MYO3B: variants seen among roughly 807,000 people sequenced by gnomAD.
MYO3B encodes myosin IIIB.
In MYO3B, 156 loss-of-function variants were observed where a neutral mutation model predicts 174.6. That is an observed-to-expected ratio of 0.89 (90% CI 0.78 to 1.02). The LOEUF is 1.02. Ranked by LOEUF, MYO3B falls within the 50% of genes least tolerant of loss-of-function variation. The pLI is 0.00. For missense variants in MYO3B, 1,632 were observed against 1,639.4 expected (o/e 1.00, Z 0.08); for synonymous variants, 563 against 569.1 (o/e 0.99, Z 0.15).
At chr2:170,580,718 A>ATATATATATGTGTGTGTGTG (rs768974458) in intron 32 of MYO3B, among the ~76,000 whole-genome samples, 5 of 142,702 alleles carry the variant, frequency 3.5e-5, no homozygotes, top group African/African-American at 2.6e-5. Context: ...AACCTTATAT[A>ATATATATATGTGTGTGTGTG]TGTGTGTGTG....
intron 32 of MYO3B, among the ~76,000 whole-genome samples, chr2:170,614,263 G>C (rs1251834128): frequency 6.6e-6 from 1 of 152,154 alleles, no homozygotes; most frequent in Non-Finnish European, 1.5e-5. Context: ...TTGTAAGGTT[G>C]CTAGAGTATT....
At chr2:170,207,840 G>A (rs934939083) in intron 3 of MYO3B, among the ~76,000 whole-genome samples, 2 of 152,106 alleles carry the variant, frequency 1.3e-5, no homozygotes, top group Non-Finnish European at 2.9e-5. Flanking sequence ...GGGTACATGA[G>A]GGAGAGAAAG....
chr2:170,471,753 A>T (rs1227249315), intron 25 of MYO3B, among the ~76,000 whole-genome samples: 4 of 152,098 alleles, frequency 2.6e-5, no homozygotes, highest in Non-Finnish European at 5.9e-5. Context: ...GCACTTTGGG[A>T]GGCTGAGGCG....
intron 7 of MYO3B, among the ~76,000 whole-genome samples, chr2:170,309,939 C>G (rs954894860): frequency 4.6e-5 from 7 of 152,288 alleles, no homozygotes; most frequent in African/African-American, 1.7e-4. Context: ...CTCCCAGACC[C>G]TGGTAACTAT....
chr2:170,308,406 A>G (rs1041083768), intron 7 of MYO3B, among the ~76,000 whole-genome samples: 1 of 152,166 alleles, frequency 6.6e-6, no homozygotes, highest in African/African-American at 2.4e-5. Context: ...CTCTACAGAA[A>G]GGCACCTCCC....
In MYO3B at chr2:170,498,672, G is replaced by C; in HGVS notation, c.3095G>C (p.Arg1032Thr). 1 of 1,613,814 alleles carries C rather than the reference G, an allele frequency of 6.2e-7. No homozygotes were observed. The highest frequency in any genetic ancestry group is 8.5e-7 in the Non-Finnish European group (1 of 1,179,728). The change falls in exon 26 of 35, where the codon AGA (arginine) becomes ACA (threonine). Residue 1032 changes from arginine (R) to threonine (T), a missense_variant. By Grantham distance (71) the Arg-to-Thr change is moderately conservative (BLOSUM62 -1). Coordinates refer to ENST00000408978, the MANE Select transcript of MYO3B (RefSeq NM_138995.5). ...ESCVAILEKS[R>T]LDHWVLGKTK... ...TGTGTGGCTATCTTGGAAAAGTCCA[G>C]ATTAGATCACTGGGTACTGGGAAAA...
chr2:170,232,672 C>T (rs1458024938), intron 6 of MYO3B, among the ~76,000 whole-genome samples: 7 of 152,200 alleles, frequency 4.6e-5, no homozygotes, highest in Non-Finnish European at 1.0e-4. Flanking sequence ...CCATGCTATC[C>T]TCAGTTTCCA....
chr2:170,185,771 A>G (rs2092454479), intron 1 of MYO3B, among the ~76,000 whole-genome samples: 1 of 152,192 alleles, frequency 6.6e-6, no homozygotes, highest in Non-Finnish European at 1.5e-5. Flanking sequence ...CTTTCAAACT[A>G]TGAACATAGA....
Position 170,402,913 on chromosome 2 carries a change from A to G in MYO3B, c.2195A>G (p.Asn732Ser). The G allele has an allele frequency of 6.2e-7, 1 of 1,612,118 alleles. No individual in the cohort carries two copies. Among genetic ancestry groups the G allele is most frequent in the Non-Finnish European group, 8.5e-7 (1 of 1,178,484 alleles). Residue 732 changes from asparagine to serine, a missense_variant, in exon 19 of 35, where the codon AAT becomes AGT. Asn to Ser is a conservative substitution (Grantham distance 46). Coordinates refer to ENST00000408978, the MANE Select transcript of MYO3B (RefSeq NM_138995.5). ...TTTGGATTCGAGAATTTTCAGAGAA[A>G]TTCATTTGAGCAGCTCTGCATAAAC... ...DIFGFENFQRNSFEQLCINIA... is the reference protein window; with the variant it reads ...DIFGFENFQRSSFEQLCINIA...
At position 170,290,966 on chromosome 2, in the gene MYO3B, G is replaced by T. The variant is rs116968638; in HGVS notation, c.750-44419G>T. The stretch of plus-strand genomic sequence containing the variant: ...AATAAAATAATAGAAACAAACAAAG[G>T]TGGCCAGGTATAGTGGCTCATGCCT... On this transcript the variant is annotated intron_variant, in intron 7 of 34. Transcript: ENST00000408978. 5.4e-3 allele frequency among the ~76,000 whole-genome samples: 820 copies of T among 152,126 alleles called. 22 individuals are homozygous for T. The highest frequency in any genetic ancestry group is 0.05 in the East Asian group (260 of 5,180).
At chr2:170,593,588 G>A (rs146121242) in intron 32 of MYO3B, among the ~76,000 whole-genome samples, 1 of 152,202 alleles carries the variant, frequency 6.6e-6, no homozygotes, top group African/African-American at 2.4e-5. Flanking sequence ...GCTCTCTCCT[G>A]CCTCTTAGCA....
chr2:170,331,638 TA>T (rs1237896534), intron 7 of MYO3B, among the ~76,000 whole-genome samples: 1 of 152,198 alleles, frequency 6.6e-6, no homozygotes, highest in Non-Finnish European at 1.5e-5. Flanking sequence ...CTCAGTGGGC[TA>T]AAATCAAGGT....
intron 32 of MYO3B, among the ~76,000 whole-genome samples, chr2:170,639,695 G>T (rs1381618670): frequency 6.6e-6 from 1 of 152,090 alleles, no homozygotes; most frequent in African/African-American, 2.4e-5. Context: ...CAGAGTTTTT[G>T]CCCTACATTT....
chr2:170,399,853 C>T (rs2094463821), intron 16 of MYO3B, among the ~76,000 whole-genome samples: 1 of 152,138 alleles, frequency 6.6e-6, no homozygotes, highest in Non-Finnish European at 1.5e-5. Context: ...TCCGTTTATG[C>T]AATTGTTGGT....
intron 7 of MYO3B, among the ~76,000 whole-genome samples, chr2:170,330,059 T>C (rs1382083348): frequency 6.6e-6 from 1 of 152,192 alleles, no homozygotes; most frequent in Non-Finnish European, 1.5e-5. Context: ...ACTTCATTCT[T>C]TCTATCTTCC....
At chr2:170,223,208 C>T (rs1055199003) in intron 6 of MYO3B, among the ~76,000 whole-genome samples, 9 of 152,088 alleles carry the variant, frequency 5.9e-5, no homozygotes, top group African/African-American at 1.7e-4. Context: ...CCTGATTAAG[C>T]CTCTCTGGTC....
chr2:170,498,645 G>C lies in MYO3B; in HGVS notation c.3068G>C (p.Ser1023Thr). Residue 1023 changes from serine (S) to threonine (T), a missense_variant, in exon 26 of 35, where the codon AGC becomes ACC. Ser to Thr is a moderately conservative substitution (Grantham distance 58, BLOSUM62 1). Coordinates refer to ENST00000408978, the MANE Select transcript of MYO3B (RefSeq NM_138995.5). The part of the protein sequence containing the change: ...AHQTPLASKE[S>T]CVAILEKSRL... ...CAAACACCTCTTGCTAGCAAAGAGA[G>C]CTGTGTGGCTATCTTGGAAAAGTCC... 6.2e-7 allele frequency: 1 copy of C among 1,614,128 alleles called. No individual in the cohort carries two copies. Among genetic ancestry groups the C allele is most frequent in the Non-Finnish European group, 8.5e-7 (1 of 1,179,990 alleles).
chr2:170,513,239 C>T (rs1688091074), intron 28 of MYO3B, among the ~76,000 whole-genome samples: 1 of 152,142 alleles, frequency 6.6e-6, no homozygotes, highest in Non-Finnish European at 1.5e-5. Context: ...TTACCACAAA[C>T]TGTGTAGCTG....
At chr2:170,368,666 T>C (rs989617784) in intron 8 of MYO3B, among the ~76,000 whole-genome samples, 2 of 152,232 alleles carry the variant, frequency 1.3e-5, no homozygotes, top group Admixed American at 6.5e-5. Flanking sequence ...ACTCACTTCC[T>C]GTTCTGTGGT....
Sources: allele counts gnomAD v4.1 joint callset (sites outside exome capture counted in the v4.1 genomes callset), GRCh38; gene constraint gnomAD v4.1.1; transcripts MANE v1.5; gene names NCBI Gene and HGNC (gene_info 2026-07-23, HGNC 2026-07-21).